ATXN1: variants seen among roughly 807,000 people sequenced by gnomAD.
The protein encoded by ATXN1 is ataxin 1, also known as ataxin-1.
In ATXN1, 8 loss-of-function variants were observed where a neutral mutation model predicts 56.4. That is an observed-to-expected ratio of 0.14 (90% CI 0.08 to 0.26). ATXN1 has a LOEUF of 0.26. Ranked by LOEUF, ATXN1 falls within the 10% of genes least tolerant of loss-of-function variation. ATXN1 has a pLI of 1.00. For synonymous variants in ATXN1, 514 were observed against 494.6 expected, an observed-to-expected ratio of 1.04 and a Z score of -0.52; for missense variants, 987 against 1,106.5, an observed-to-expected ratio of 0.89 and a Z score of 1.53.
intron 6 of ATXN1, among the ~76,000 whole-genome samples, chr6:16,358,956 G>A (rs1422331098): frequency 6.6e-6 from 1 of 152,154 alleles, no homozygotes; most frequent in Non-Finnish European, 1.5e-5. Context: ...GTCAGGGCGG[G>A]AGCTCCCGGG....
intron 2 of ATXN1, among the ~76,000 whole-genome samples, chr6:16,704,497 T>C (rs1384225883): frequency 6.6e-6 from 1 of 152,174 alleles, no homozygotes; most frequent in Non-Finnish European, 1.5e-5. Flanking sequence ...TTTTAAAGTA[T>C]AAAAAACAGA....
intron 1 of ATXN1, among the ~76,000 whole-genome samples, chr6:16,757,966 T>C (rs577856517): frequency 2.5e-4 from 38 of 152,336 alleles, no homozygotes; most frequent in South Asian, 2.5e-3. Flanking sequence ...ACATGTTTAT[T>C]GTCCAAAAGC....
intron 6 of ATXN1, among the ~76,000 whole-genome samples, chr6:16,443,428 G>C (rs1759564452): frequency 6.6e-6 from 1 of 152,002 alleles, no homozygotes; most frequent in South Asian, 2.1e-4. Context: ...AAGCCTCTTA[G>C]GAAGTCTCAA....
chr6:16,759,530 G>GTTTTTTTTTTTTTTTTTTT (rs1046854905), intron 1 of ATXN1, among the ~76,000 whole-genome samples: 1 of 45,926 alleles, frequency 2.2e-5, no homozygotes. Context: ...TCTTCCGACT[G>GTTTTTTTTTTTTTTTTTTT]TTTTTTTTTT....
Position 16,318,946 on chromosome 6 carries a change from G to A in ATXN1, c.1917+7448C>T, listed in dbSNP as rs188387615. 2.0e-3 allele frequency among the ~76,000 whole-genome samples: 302 copies of A among 152,244 alleles called. 1 individual carries two copies. The highest frequency in any genetic ancestry group is 6.4e-3 in the African/African-American group (267 of 41,556). On this transcript the variant is annotated intron_variant, in intron 7 of 7. Transcript: ENST00000436367. ...AAATGTGTGCCTTAGGCAGGGAAGG[G>A]TGGCTCATCCCTGTAATCCCAGCAC...
At chr6:16,332,991 A>C (rs1424698291) in intron 6 of ATXN1, among the ~76,000 whole-genome samples, 1 of 152,216 alleles carries the variant, frequency 6.6e-6, no homozygotes, top group African/African-American at 2.4e-5. Flanking sequence ...TATCCGATTA[A>C]ATTTTCTACT....
At chr6:16,342,120 C>A (rs1019378980) in intron 6 of ATXN1, among the ~76,000 whole-genome samples, 1 of 151,146 alleles carries the variant, frequency 6.6e-6, no homozygotes, top group Non-Finnish European at 1.5e-5. Context: ...CTGACCTGAG[C>A]GATCCACCTA....
chr6:16,490,842 C>T (rs1760644817), intron 5 of ATXN1, among the ~76,000 whole-genome samples: 1 of 152,112 alleles, frequency 6.6e-6, no homozygotes, highest in Non-Finnish European at 1.5e-5. Flanking sequence ...AGGCATGTAC[C>T]CAAGGCAAGC....
chr6:16,342,145 C>T (rs988525534), intron 6 of ATXN1, among the ~76,000 whole-genome samples: 2 of 151,430 alleles, frequency 1.3e-5, no homozygotes, highest in Admixed American at 6.6e-5. Context: ...GGCCTCCCAA[C>T]GTGCTGGGAT....
At chr6:16,717,910 T>G (rs1759670998) in intron 2 of ATXN1, among the ~76,000 whole-genome samples, 1 of 152,252 alleles carries the variant, frequency 6.6e-6, no homozygotes, top group Admixed American at 6.5e-5. Context: ...CAGAGCTGTT[T>G]AGGATGATGA....
chr6:16,348,568 G>A (rs1357908145), intron 6 of ATXN1, among the ~76,000 whole-genome samples: 1 of 152,118 alleles, frequency 6.6e-6, no homozygotes, highest in African/African-American at 2.4e-5. Context: ...CGGGCTTGGT[G>A]GTGAGTGCCT....
chr6:16,368,597 C>T lies in ATXN1; in HGVS notation c.-160-40127G>A, dbSNP rs142093576. Among the ~76,000 whole-genome samples, 970 of 152,232 alleles carry T rather than the reference C, an allele frequency of 6.4e-3. 5 individuals carry two copies. Among genetic ancestry groups the T allele is most frequent in the Middle Eastern group, 0.027 (8 of 294 alleles). ...CCTATCAGTATCTGCTAAATGAATACGGTTTTATATTTCACATGTCTGTGA... is the reference window on the plus strand; with the variant it reads ...CCTATCAGTATCTGCTAAATGAATATGGTTTTATATTTCACATGTCTGTGA... On this transcript the variant is annotated intron_variant, in intron 6 of 7. Transcript: ENST00000436367.
intron 3 of ATXN1, among the ~76,000 whole-genome samples, chr6:16,617,365 CTAAAT>C (rs1028854540): frequency 2.0e-5 from 3 of 151,364 alleles, no homozygotes; most frequent in Admixed American, 6.6e-5. Flanking sequence ...TAAAATCTGA[CTAAAT>C]TAGTCTATGT....
intron 2 of ATXN1, among the ~76,000 whole-genome samples, chr6:16,681,274 C>T (rs1270468385): frequency 1.3e-5 from 2 of 152,200 alleles, no homozygotes; most frequent in African/African-American, 4.8e-5. Context: ...CAGGCAGGTC[C>T]GCACTGCACA....
At chr6:16,422,589 T>C (rs141262983) in intron 6 of ATXN1, among the ~76,000 whole-genome samples, 1,621 of 152,306 alleles carry the variant, frequency 0.011, 13 homozygotes, top group Non-Finnish European at 0.016. Flanking sequence ...GAAATCTCCC[T>C]AGCTAGTTGA....
intron 2 of ATXN1, among the ~76,000 whole-genome samples, chr6:16,664,760 A>T (rs905209116): frequency 6.6e-6 from 1 of 152,030 alleles, no homozygotes; most frequent in African/African-American, 2.4e-5. Context: ...AATAAATTTT[A>T]AGAGTATAAA....
chr6:16,543,196 A>T (rs933736548), intron 4 of ATXN1, among the ~76,000 whole-genome samples: 11 of 152,180 alleles, frequency 7.2e-5, no homozygotes, highest in African/African-American at 2.7e-4. Flanking sequence ...GGTCCCGCTC[A>T]TTCCTTCCCA....
chr6:16,323,927 G>T (rs1760743546), intron 7 of ATXN1, among the ~76,000 whole-genome samples: 1 of 151,908 alleles, frequency 6.6e-6, no homozygotes, highest in Non-Finnish European at 1.5e-5. Context: ...TAAAAATCCT[G>T]ATTTTCTTTT....
chr6:16,345,544 G>A (rs1315306967), intron 6 of ATXN1, among the ~76,000 whole-genome samples: 1 of 152,196 alleles, frequency 6.6e-6, no homozygotes, highest in East Asian at 1.9e-4. Flanking sequence ...TGCAATAAAT[G>A]TTTGTTTTAA....
Sources: gnomAD v4.1 joint callset for allele counts (sites outside exome capture counted in the v4.1 genomes callset) on GRCh38, gnomAD v4.1.1 for gene constraint, MANE v1.5 for transcripts, NCBI Gene and HGNC (gene_info 2026-07-23, HGNC 2026-07-21) for gene names.